ST6GALNAC5: variants seen among roughly 807,000 people sequenced by gnomAD.
The protein encoded by ST6GALNAC5 is alpha-N-acetylgalactosaminide alpha-2,6-sialyltransferase 5.
ST6GALNAC5 carries 27 observed loss-of-function variants against 33.6 expected under a neutral mutation model. That is an observed-to-expected ratio of 0.80 (90% CI 0.59 to 1.11). The LOEUF (loss-of-function observed/expected upper bound fraction) is 1.11. Ranked by LOEUF, ST6GALNAC5 falls within the 50% of genes least tolerant of loss-of-function variation. The probability of loss-of-function intolerance (pLI) is 0.00; values close to 1 mark genes in which losing one functional copy is unlikely to be tolerated. For synonymous variants in ST6GALNAC5, 194 were observed against 171.2 expected, an observed-to-expected ratio of 1.13 and a Z score of -1.04; for missense variants, 428 against 454.0, an observed-to-expected ratio of 0.94 and a Z score of 0.52.
At chr1:76,974,662 A>C (rs1402966670) in intron 2 of ST6GALNAC5, among the ~76,000 whole-genome samples, 1 of 150,628 alleles carries the variant, frequency 6.6e-6, no homozygotes, top group Non-Finnish European at 1.5e-5. Context: ...TTAGTTTATA[A>C]CCTGATACAT....
At chr1:76,982,563 G>A (rs1047017375) in intron 2 of ST6GALNAC5, among the ~76,000 whole-genome samples, 1 of 152,130 alleles carries the variant, frequency 6.6e-6, no homozygotes, top group Non-Finnish European at 1.5e-5. Flanking sequence ...GTGATGGGCG[G>A]ATGAAGCCAA....
intron 2 of ST6GALNAC5, among the ~76,000 whole-genome samples, chr1:76,980,362 A>T (rs536003737): frequency 2.0e-5 from 3 of 152,088 alleles, no homozygotes; most frequent in Non-Finnish European, 4.4e-5. Context: ...CATTTTTTGC[A>T]TTGATGATAC....
At chr1:76,967,472 CTCT>C (rs1445477605) in intron 2 of ST6GALNAC5, among the ~76,000 whole-genome samples, 11 of 152,276 alleles carry the variant, frequency 7.2e-5, no homozygotes, top group African/African-American at 2.6e-4. Flanking sequence ...TGATTCTTCT[CTCT>C]TCTTCTTTAG....
intron 2 of ST6GALNAC5, among the ~76,000 whole-genome samples, chr1:76,906,570 CCTT>C (rs751406938): frequency 1.3e-5 from 2 of 152,000 alleles, no homozygotes; most frequent in African/African-American, 4.8e-5. Context: ...AAATAGTACT[CCTT>C]CTATAATTTT....
intron 2 of ST6GALNAC5, among the ~76,000 whole-genome samples, chr1:77,020,370 C>A (rs992610969): frequency 6.6e-6 from 1 of 152,084 alleles, no homozygotes; most frequent in African/African-American, 2.4e-5. Context: ...GAAGCTTATG[C>A]CATGCTTTTG....
chr1:76,889,896 A>G (rs1653977408), intron 2 of ST6GALNAC5, among the ~76,000 whole-genome samples: 1 of 151,866 alleles, frequency 6.6e-6, no homozygotes. Context: ...CTTTATATAC[A>G]TTTTATTTAT....
At chr1:76,934,846 G>T (rs1470927965) in intron 2 of ST6GALNAC5, among the ~76,000 whole-genome samples, 1 of 151,998 alleles carries the variant, frequency 6.6e-6, no homozygotes, top group Non-Finnish European at 1.5e-5. Flanking sequence ...AGCCTCTGTT[G>T]GGTCTTCAAT....
intron 4 of ST6GALNAC5, among the ~76,000 whole-genome samples, chr1:77,058,603 T>G (rs556615318): frequency 6.6e-6 from 1 of 152,358 alleles, no homozygotes; most frequent in Admixed American, 6.5e-5. Flanking sequence ...CTTGAATTTT[T>G]TGAGACATCA....
At chr1:76,908,882 A>G (rs1188903172) in intron 2 of ST6GALNAC5, among the ~76,000 whole-genome samples, 1 of 152,196 alleles carries the variant, frequency 6.6e-6, no homozygotes, top group Non-Finnish European at 1.5e-5. Context: ...TGAATTTACA[A>G]TTCTATGCAA....
At chr1:76,990,630 A>C (rs375432120) in intron 2 of ST6GALNAC5, among the ~76,000 whole-genome samples, 2 of 152,200 alleles carry the variant, frequency 1.3e-5, no homozygotes, top group East Asian at 3.9e-4. Flanking sequence ...CTCCATCCTC[A>C]ACCTAATCTT....
chr1:76,960,552 G>A (rs1476381352), intron 2 of ST6GALNAC5, among the ~76,000 whole-genome samples: 4 of 152,132 alleles, frequency 2.6e-5, no homozygotes, highest in African/African-American at 9.7e-5. Flanking sequence ...TATTAGGCAG[G>A]AATTTCCTCG....
intron 2 of ST6GALNAC5, among the ~76,000 whole-genome samples, chr1:76,971,777 A>G (rs541049281): frequency 8.5e-5 from 13 of 152,314 alleles, no homozygotes; most frequent in Non-Finnish European, 1.6e-4. Context: ...ATTGGTAATC[A>G]AAGTATAATT....
chr1:76,919,984 AG>A (rs754305701), intron 2 of ST6GALNAC5, among the ~76,000 whole-genome samples: 24 of 152,214 alleles, frequency 1.6e-4, no homozygotes, highest in Non-Finnish European at 3.4e-4. Flanking sequence ...AAAGGTAAAA[AG>A]CTGGGCTGAA....
In ST6GALNAC5 at chr1:77,026,977, G is replaced by A. The variant is rs866005203; in HGVS notation, c.262-17227G>A. Among the ~76,000 whole-genome samples, 785 of 152,350 alleles carry A rather than the reference G, an allele frequency of 5.2e-3. 10 individuals are homozygous for A. Among genetic ancestry groups the A allele is most frequent in the African/African-American group, 0.018 (755 of 41,578 alleles). ...TTTGGGTCATCAGCAGTCCAAGAAT[G>A]TTTTCCCCAGTGTAGGTGCTCCCCC... On this transcript the variant is annotated intron_variant, in intron 2 of 4. Coordinates refer to ENST00000477717, the MANE Select transcript of ST6GALNAC5 (RefSeq NM_030965.3).
At chr1:77,056,345 T>C (rs1487186814) in intron 4 of ST6GALNAC5, among the ~76,000 whole-genome samples, 1 of 152,226 alleles carries the variant, frequency 6.6e-6, no homozygotes, top group East Asian at 1.9e-4. Flanking sequence ...TTATTTGTGA[T>C]AATAATGGGC....
intron 2 of ST6GALNAC5, among the ~76,000 whole-genome samples, chr1:77,040,028 A>G (rs984910872): frequency 3.9e-5 from 6 of 152,216 alleles, no homozygotes; most frequent in African/African-American, 1.4e-4. Flanking sequence ...CACCCATATC[A>G]TTAAGACACT....
At position 77,050,375 on chromosome 1, in the gene ST6GALNAC5, A is replaced by G; in HGVS notation, c.779+10A>G. 6.2e-7 allele frequency: 1 copy of G among 1,609,926 alleles called. No homozygotes were observed. Among genetic ancestry groups the G allele is most frequent in the East Asian group, 2.2e-5 (1 of 44,870 alleles). The stretch of plus-strand genomic sequence containing the variant: ...CCCCAGACTTCTGCAGGTAGGATTT[A>G]TTCTGCAAGTGTAAATCATCAGCCG... On this transcript the variant is annotated intron_variant, in intron 4 of 4. Transcript: ENST00000477717.
intron 2 of ST6GALNAC5, among the ~76,000 whole-genome samples, chr1:76,962,275 A>G (rs1177029055): frequency 6.6e-6 from 1 of 152,210 alleles, no homozygotes; most frequent in African/African-American, 2.4e-5. Context: ...ATTTCTAGTC[A>G]TATCGCTGCC....
intron 2 of ST6GALNAC5, among the ~76,000 whole-genome samples, chr1:77,021,807 T>C (rs12738622): frequency 0.038 from 5,496 of 146,466 alleles, 200 homozygotes; most frequent in Admixed American, 0.11. Flanking sequence ...GGACACATTT[T>C]ATAGGATGCA....
Sources: allele counts gnomAD v4.1 joint callset (sites outside exome capture counted in the v4.1 genomes callset), GRCh38; gene constraint gnomAD v4.1.1; transcripts MANE v1.5; gene names NCBI Gene and HGNC (gene_info 2026-07-23, HGNC 2026-07-21).